Variants in PRKG1 observed in about 807,000 individuals in gnomAD.
PRKG1 encodes cGMP-dependent protein kinase 1.
A neutral mutation model predicts 88.1 loss-of-function variants in PRKG1; 35 were observed. The ratio of observed to expected loss-of-function variants is 0.40; its 90% CI spans 0.30 to 0.53. PRKG1 has a LOEUF of 0.53. Ranked by LOEUF, PRKG1 falls within the 20% of genes least tolerant of loss-of-function variation. The pLI, the probability that PRKG1 is intolerant of heterozygous loss-of-function variation, is 0.59. For missense variants in PRKG1, 540 were observed against 839.8 expected (o/e 0.64, Z 4.41); for synonymous variants, 303 against 292.5 (o/e 1.04, Z -0.37).
At chr10:51,039,491 G>C (rs184995831) in intron 1 of PRKG1, among the ~76,000 whole-genome samples, 5 of 152,160 alleles carry the variant, frequency 3.3e-5, no homozygotes, top group Admixed American at 3.3e-4. Context: ...TTAATTCCTT[G>C]TCAGATGGAT....
intron 1 of PRKG1, among the ~76,000 whole-genome samples, chr10:51,102,838 A>G (rs1023408196): frequency 6.6e-6 from 1 of 152,192 alleles, no homozygotes; most frequent in Non-Finnish European, 1.5e-5. Context: ...AGAAACACAC[A>G]CACATACACA....
chr10:51,742,133 C>G (rs1837450298), intron 3 of PRKG1, among the ~76,000 whole-genome samples: 1 of 152,068 alleles, frequency 6.6e-6, no homozygotes, highest in African/African-American at 2.4e-5. Flanking sequence ...GTGTGGTCTC[C>G]CCTAACCATC....
At chr10:51,537,916 A>T (rs1198514247) in intron 3 of PRKG1, among the ~76,000 whole-genome samples, 1 of 152,154 alleles carries the variant, frequency 6.6e-6, no homozygotes, top group Admixed American at 6.5e-5. Flanking sequence ...AAGCTCCATG[A>T]GTGTCTCACA....
At chr10:51,494,611 T>C (rs541699091) in intron 3 of PRKG1, among the ~76,000 whole-genome samples, 2 of 152,316 alleles carry the variant, frequency 1.3e-5, no homozygotes, top group East Asian at 3.9e-4. Context: ...AAATGGTAAT[T>C]ACAAACTATA....
intron 5 of PRKG1, among the ~76,000 whole-genome samples, chr10:52,013,018 T>C (rs527856249): frequency 1.3e-4 from 20 of 152,198 alleles, no homozygotes; most frequent in Non-Finnish European, 2.5e-4. Context: ...AGTATGGTCC[T>C]TGCCCTTAGG....
At chr10:51,776,584 C>T (rs1838443098) in intron 3 of PRKG1, among the ~76,000 whole-genome samples, 1 of 152,116 alleles carries the variant, frequency 6.6e-6, no homozygotes, top group African/African-American at 2.4e-5. Flanking sequence ...CAGTACTTTG[C>T]AAAGCCAAGG....
chr10:52,150,156 A>AATAATAATAATAATAATAATG, intron 8 of PRKG1, among the ~76,000 whole-genome samples: 1 of 73,632 alleles, frequency 1.4e-5, no homozygotes, highest in Non-Finnish European at 3.8e-5. Context: ...TCAAAATAAT[A>AATAATAATAATAATAATAATG]ATAATAATAA....
intron 3 of PRKG1, among the ~76,000 whole-genome samples, chr10:51,569,247 A>C (rs1294760917): frequency 6.6e-6 from 1 of 152,016 alleles, no homozygotes; most frequent in Non-Finnish European, 1.5e-5. Flanking sequence ...TTTCTCCAGC[A>C]AACCTTTGTA....
At chr10:51,677,011 C>G (rs1381428997) in intron 3 of PRKG1, among the ~76,000 whole-genome samples, 1 of 152,164 alleles carries the variant, frequency 6.6e-6, no homozygotes, top group Non-Finnish European at 1.5e-5. Context: ...TTTCAAGCCC[C>G]TAAAGCCCCC....
intron 3 of PRKG1, among the ~76,000 whole-genome samples, chr10:51,598,952 C>CAGGAAG (rs1838528503): frequency 6.6e-6 from 1 of 152,078 alleles, no homozygotes; most frequent in Non-Finnish European, 1.5e-5. Flanking sequence ...GCTACTGAAA[C>CAGGAAG]AGGAAGAGGA....
intron 1 of PRKG1, among the ~76,000 whole-genome samples, chr10:51,016,968 A>G (rs998120405): frequency 1.3e-5 from 2 of 151,482 alleles, no homozygotes; most frequent in East Asian, 3.9e-4. Flanking sequence ...TGCCTGGCCT[A>G]TTATCCCCAT....
At chr10:52,071,507 T>A (rs148569367) in intron 7 of PRKG1, among the ~76,000 whole-genome samples, 279 of 152,306 alleles carry the variant, frequency 1.8e-3, no homozygotes, top group African/African-American at 6.4e-3. Context: ...TATATCATCT[T>A]TTTTTGCTGT....
chr10:51,264,743 C>A (rs1174616085), intron 2 of PRKG1, among the ~76,000 whole-genome samples: 1 of 152,080 alleles, frequency 6.6e-6, no homozygotes, highest in African/African-American at 2.4e-5. Context: ...TAAACAAAAT[C>A]AAAGAGAACC....
intron 1 of PRKG1, among the ~76,000 whole-genome samples, chr10:51,068,912 A>G (rs1376744061): frequency 1.3e-5 from 2 of 151,992 alleles, no homozygotes; most frequent in Non-Finnish European, 2.9e-5. Context: ...TATTTTATGC[A>G]TTTAAAAATT....
intron 1 of PRKG1, among the ~76,000 whole-genome samples, chr10:51,040,313 T>C (rs559754363): frequency 6.3e-5 from 2 of 31,524 alleles, no homozygotes; most frequent in Non-Finnish European, 7.7e-5. Flanking sequence ...CTTTTTCTCT[T>C]TTTTTTTTTT....
intron 4 of PRKG1, among the ~76,000 whole-genome samples, chr10:51,847,380 G>T (rs1465862231): frequency 6.6e-6 from 1 of 152,112 alleles, no homozygotes. Flanking sequence ...ATAAGGGAGT[G>T]ATTGGCAGGG....
chr10:51,417,224 T>C (rs1161541490), intron 2 of PRKG1, among the ~76,000 whole-genome samples: 1 of 152,232 alleles, frequency 6.6e-6, no homozygotes, highest in Non-Finnish European at 1.5e-5. Context: ...GGTCTGTTCA[T>C]GTCCCCTCAC....
At chr10:51,386,934 T>C (rs1446826370) in intron 2 of PRKG1, among the ~76,000 whole-genome samples, 1 of 152,172 alleles carries the variant, frequency 6.6e-6, no homozygotes, top group Non-Finnish European at 1.5e-5. Context: ...AAGAAAAAAC[T>C]GTTGGGATTT....
At chr10:51,550,689 A>T (rs1223169231) in intron 3 of PRKG1, among the ~76,000 whole-genome samples, 1 of 152,004 alleles carries the variant, frequency 6.6e-6, no homozygotes, top group East Asian at 1.9e-4. Flanking sequence ...TCCATGGCTT[A>T]TACGAAAGAT....
Sources: allele counts gnomAD v4.1 joint callset (sites outside exome capture counted in the v4.1 genomes callset), GRCh38; gene constraint gnomAD v4.1.1; transcripts MANE v1.5; gene names NCBI Gene and HGNC (gene_info 2026-07-23, HGNC 2026-07-21).